RSPRY1: variants seen among roughly 807,000 people sequenced by gnomAD.
RSPRY1 encodes RING finger and SPRY domain-containing protein 1.
In RSPRY1, 23 loss-of-function variants were observed where a neutral mutation model predicts 73.1. That is an observed-to-expected ratio of 0.31 (90% CI 0.23 to 0.45). The LOEUF (loss-of-function observed/expected upper bound fraction) is 0.45, where lower values mean the gene tolerates loss of function less well. RSPRY1 is among the 20% of genes least tolerant of loss of function. RSPRY1 has a pLI of 1.00. For synonymous variants in RSPRY1, 226 were observed against 251.4 expected (o/e 0.90, Z 0.95); for missense variants, 448 against 698.7 (o/e 0.64, Z 4.05).
intron 11 of RSPRY1, among the ~76,000 whole-genome samples, chr16:57,229,972 T>C (rs1333261010): frequency 6.8e-6 from 1 of 147,026 alleles, no homozygotes; most frequent in Non-Finnish European, 1.5e-5. Context: ...CCCAAAGTGC[T>C]GGGATTATAG....
chr16:57,206,706 G>A (rs1202317288), intron 2 of RSPRY1, among the ~76,000 whole-genome samples: 1 of 152,102 alleles, frequency 6.6e-6, no homozygotes, highest in African/African-American at 2.4e-5. Flanking sequence ...TGGACTACAG[G>A]CGTGTGCTAC....
At chr16:57,236,222 G>A (rs551371679) in intron 14 of RSPRY1, among the ~76,000 whole-genome samples, 1 of 152,308 alleles carries the variant, frequency 6.6e-6, no homozygotes. Context: ...AGAATGTTAA[G>A]ATCTCAAACA....
chr16:57,221,801 CA>C (rs1225900626), intron 10 of RSPRY1, among the ~76,000 whole-genome samples: 1 of 152,120 alleles, frequency 6.6e-6, no homozygotes, highest in Non-Finnish European at 1.5e-5. Context: ...CTTTTCCTTT[CA>C]AAAAATAGAG....
chr16:57,238,786 A>G (rs2075338435), intron 14 of RSPRY1, 93 bp from the exon 15 acceptor site: 1 of 625,584 alleles, frequency 1.6e-6, no homozygotes, highest in South Asian at 2.7e-5. Context: ...TTCAATGAAC[A>G]AACTTGTTAA....
At chr16:57,207,387 A>G (rs2074746383) in intron 2 of RSPRY1, among the ~76,000 whole-genome samples, 1 of 152,032 alleles carries the variant, frequency 6.6e-6, no homozygotes, top group African/African-American at 2.4e-5. Context: ...GTGAGTTCTT[A>G]AGCAGTTAGA....
intron 1 of RSPRY1, among the ~76,000 whole-genome samples, chr16:57,202,877 A>ATT (rs1264459368): frequency 1.1e-4 from 5 of 44,896 alleles, no homozygotes; most frequent in South Asian, 1.5e-3. Context: ...ATTACATATG[A>ATT]TTATATATAT....
intron 3 of RSPRY1, 101 bp downstream of exon 3, chr16:57,208,211 A>C: frequency 2.8e-6 from 2 of 712,196 alleles, no homozygotes; most frequent in Non-Finnish European, 4.5e-6. Flanking sequence ...GAGATAAAAG[A>C]CTCCAAAAAT....
intron 13 of RSPRY1, 120 bp downstream of exon 13, chr16:57,231,439 A>G (rs2075218408): frequency 2.1e-6 from 2 of 940,572 alleles, no homozygotes; most frequent in East Asian, 5.2e-5. Flanking sequence ...AGTAAAATGG[A>G]TGACTTTTCA....
intron 1 of RSPRY1, among the ~76,000 whole-genome samples, chr16:57,200,947 CGGGGGG>C (rs747010905): frequency 5.4e-5 from 1 of 18,398 alleles, no homozygotes; most frequent in Admixed American, 6.4e-4. Context: ...GGCGGCTGGC[CGGGGGG>C]GGGGGGGGCT....
chr16:57,228,836 G>A (rs1452099688), intron 11 of RSPRY1, among the ~76,000 whole-genome samples: 1 of 151,998 alleles, frequency 6.6e-6, no homozygotes, highest in Non-Finnish European at 1.5e-5. Flanking sequence ...GGGACTACAG[G>A]GACACACCAC....
chr16:57,208,904 T>A (rs1027010415), intron 3 of RSPRY1, among the ~76,000 whole-genome samples, 171 bp from the exon 4 acceptor site: 19 of 152,300 alleles, frequency 1.2e-4, no homozygotes, highest in African/African-American at 4.1e-4. Flanking sequence ...TTAAGATGTT[T>A]TTACTCCACC....
chr16:57,218,724 T>A (rs202168996), intron 8 of RSPRY1, among the ~76,000 whole-genome samples: 1,926 of 46,692 alleles, frequency 0.041, 124 homozygotes, highest in East Asian at 0.14. Flanking sequence ...CATTTTCTTT[T>A]TTTTTTTTTT....
chr16:57,217,175 G>C, intron 8 of RSPRY1, 140 bp downstream of exon 8: 1 of 860,472 alleles, frequency 1.2e-6, no homozygotes, highest in Non-Finnish European at 1.8e-6. Flanking sequence ...ATATATTCTA[G>C]CAGAAAAGTA....
intron 14 of RSPRY1, among the ~76,000 whole-genome samples, chr16:57,237,041 G>A (rs368278793): frequency 7.9e-5 from 12 of 152,130 alleles, no homozygotes; most frequent in Admixed American, 5.9e-4. Flanking sequence ...GGTGGTGGGC[G>A]CCTGTAATCC....
At chr16:57,227,256 AGG>A in intron 10 of RSPRY1, 84 bp from the exon 11 acceptor site, 1 of 834,248 alleles carries the variant, frequency 1.2e-6, no homozygotes, top group South Asian at 1.4e-5. Flanking sequence ...CCCAGCCATT[AGG>A]TCAGTGGTCG....
intron 10 of RSPRY1, among the ~76,000 whole-genome samples, chr16:57,223,718 G>A (rs1211188241): frequency 6.6e-6 from 1 of 152,176 alleles, no homozygotes; most frequent in Non-Finnish European, 1.5e-5. Context: ...GTTGCACTGA[G>A]CCCAGATAGT....
chr16:57,206,464 T>G (rs2074727245), intron 2 of RSPRY1, among the ~76,000 whole-genome samples: 1 of 152,198 alleles, frequency 6.6e-6, no homozygotes, highest in Non-Finnish European at 1.5e-5. Context: ...GTAATAAAAG[T>G]TATCCTTCCC....
chr16:57,228,930 A>G (rs556061779), intron 11 of RSPRY1, among the ~76,000 whole-genome samples: 5 of 152,350 alleles, frequency 3.3e-5, no homozygotes, highest in African/African-American at 1.2e-4. Context: ...TCTGGGCTCA[A>G]GTGATCCACC....
At chr16:57,215,675 T>A (rs1190315669) in intron 6 of RSPRY1, among the ~76,000 whole-genome samples, 4 of 152,248 alleles carry the variant, frequency 2.6e-5, no homozygotes, top group African/African-American at 7.2e-5. Flanking sequence ...TTATTTATAA[T>A]TTTGCAACTT....
Sources: allele counts gnomAD v4.1 joint callset (sites outside exome capture counted in the v4.1 genomes callset), GRCh38; gene constraint gnomAD v4.1.1; transcripts MANE v1.5; gene names NCBI Gene and HGNC (gene_info 2026-07-23, HGNC 2026-07-21).